The following BTF3L4 variants were observed in gnomAD, a reference collection of about 807,000 sequenced individuals.
BTF3L4 encodes basic transcription factor 3 like 4.
BTF3L4 carries 6 observed loss-of-function variants against 16.8 expected under a neutral mutation model. That is an observed-to-expected ratio of 0.36 (90% CI 0.20 to 0.71). The LOEUF (loss-of-function observed/expected upper bound fraction) is 0.71. Among genes scored for constraint, BTF3L4 ranks in the 30% least tolerant of loss-of-function variants. The probability of loss-of-function intolerance (pLI) is 0.58; values close to 1 mark genes in which losing one functional copy is unlikely to be tolerated. For synonymous variants in BTF3L4, 39 were observed against 59.8 expected (o/e 0.65, Z 1.60); for missense variants, 92 against 186.9 (o/e 0.49, Z 2.96).
intron 2 of BTF3L4, chr1:52,060,354 A>C: frequency 1.5e-6 from 1 of 650,076 alleles, no homozygotes; most frequent in South Asian, 1.9e-5. Context: ...CTTTGTCTTG[A>C]CTGGATGTTA....
At chr1:52,057,597 T>G (rs758795739) in intron 1 of BTF3L4, among the ~76,000 whole-genome samples, 2 of 152,222 alleles carry the variant, frequency 1.3e-5, no homozygotes, top group Non-Finnish European at 2.9e-5. Flanking sequence ...AGAGGTTGAT[T>G]GAGAATAGAG....
intron 3 of BTF3L4, among the ~76,000 whole-genome samples, chr1:52,076,402 C>T (rs560461990): frequency 1.6e-4 from 24 of 152,064 alleles, no homozygotes; most frequent in Admixed American, 1.5e-3. Context: ...GGTGAAACCC[C>T]ATCTCTACTA....
chr1:52,065,051 T>A, intron 3 of BTF3L4, 113 bp downstream of exon 3: 1 of 531,870 alleles, frequency 1.9e-6, no homozygotes, highest in Non-Finnish European at 3.3e-6. Flanking sequence ...GTCACTCTGA[T>A]GTCTTTGAAG....
chr1:52,086,319 CA>C, intron 5 of BTF3L4, 148 bp downstream of exon 5: 1 of 549,912 alleles, frequency 1.8e-6, no homozygotes, highest in South Asian at 3.5e-5. Flanking sequence ...TAATGAAAAA[CA>C]ACGTAAGCAC....
rs747353221 is a variant in BTF3L4, at chr1:52,083,428, C to T, written c.257C>T (p.Thr86Ile). 27 of 1,606,830 alleles carry T rather than the reference C, an allele frequency of 1.7e-5. No homozygotes were observed. The highest frequency in any genetic ancestry group is 2.1e-5 in the Non-Finnish European group (25 of 1,173,786). The change falls in exon 4 of 6, where the codon ACT becomes ATT. Residue 86 changes from threonine to isoleucine, a missense_variant. Physicochemically the swap from Thr to Ile is moderately conservative, Grantham distance 89. Transcript: ENST00000313334. ...CTTTCTGCTAATACCTTTGCAATTA[C>T]TGGTCATGCAGAAGCCAAACCAATC... ...ASLSANTFAITGHAEAKPITE... is the reference protein window; with the variant it reads ...ASLSANTFAIIGHAEAKPITE...
chr1:52,082,711 C>T (rs2985741), intron 3 of BTF3L4, among the ~76,000 whole-genome samples: 11,778 of 149,632 alleles, frequency 0.079, 1,317 homozygotes, highest in African/African-American at 0.24. Context: ...TGCACTCTAG[C>T]CTGGATGACA....
intron 1 of BTF3L4, among the ~76,000 whole-genome samples, chr1:52,059,598 C>T (rs1686458118): frequency 6.6e-6 from 1 of 152,118 alleles, no homozygotes; most frequent in Non-Finnish European, 1.5e-5. Context: ...GAATCCCATT[C>T]TACTTTCTGT....
At chr1:52,075,347 C>A (rs1482369701) in intron 3 of BTF3L4, among the ~76,000 whole-genome samples, 1 of 150,084 alleles carries the variant, frequency 6.7e-6, no homozygotes, top group African/African-American at 2.4e-5. Flanking sequence ...ATGGTGAAAC[C>A]CCATCTCTAC....
intron 3 of BTF3L4, among the ~76,000 whole-genome samples, chr1:52,079,743 A>G (rs957859951): frequency 1.6e-4 from 25 of 152,270 alleles, no homozygotes; most frequent in Non-Finnish European, 8.8e-5. Flanking sequence ...TTTGTAGCCA[A>G]TAAGATACAT....
At chr1:52,083,689 AGTTT>A (rs1345338197) in intron 4 of BTF3L4, 148 bp downstream of exon 4, 5 of 685,802 alleles carry the variant, frequency 7.3e-6, no homozygotes, top group African/African-American at 1.8e-5. Context: ...TAAAATTTTG[AGTTT>A]GTTTAATGAT....
At chr1:52,081,560 G>A (rs959426381) in intron 3 of BTF3L4, among the ~76,000 whole-genome samples, 15 of 152,126 alleles carry the variant, frequency 9.9e-5, no homozygotes, top group African/African-American at 3.4e-4. Context: ...CACATCCACT[G>A]TCATCCTTCT....
At chr1:52,056,590 C>T (rs1686362629) in intron 1 of BTF3L4, among the ~76,000 whole-genome samples, 1 of 152,254 alleles carries the variant, frequency 6.6e-6, no homozygotes, top group African/African-American at 2.4e-5. Context: ...GCACCACCGC[C>T]CCCTGTGGGA....
At chr1:52,083,316 C>T (rs1332274381) in intron 3 of BTF3L4, 24 bp from the exon 4 acceptor site, 13 of 1,590,548 alleles carry the variant, frequency 8.2e-6, no homozygotes, top group Non-Finnish European at 1.1e-5. Flanking sequence ...ATGTGAAGTA[C>T]ATTTTTCTTC....
Position 52,089,626 on chromosome 1 carries a change from G to A in BTF3L4, c.*2868G>A, listed in dbSNP as rs1644001932. 1 of 152,022 alleles carries A rather than the reference G, an allele frequency of 6.6e-6. No individual in the cohort carries two copies. Among genetic ancestry groups the A allele is most frequent in the Non-Finnish European group, 1.5e-5 (1 of 68,002 alleles). 9.4% of individuals were successfully genotyped at this position (152,022 alleles called of 1,614,324 possible). A position where few individuals can be genotyped will look rare whatever the true frequency, so the allele number is the denominator to read the frequency against. On this transcript the variant is annotated 3_prime_UTR_variant, in exon 6 of 6. Coordinates refer to ENST00000313334, the MANE Select transcript of BTF3L4 (RefSeq NM_152265.5). ...GGGGGGAAATTGACCTTAAAATTTTGGGATAATTCAAGAAATGTCTGCAGA... is the reference window on the plus strand; with the variant it reads ...GGGGGGAAATTGACCTTAAAATTTTAGGATAATTCAAGAAATGTCTGCAGA...
intron 5 of BTF3L4, 39 bp from the exon 6 acceptor site, chr1:52,086,673 T>C: frequency 7.4e-7 from 1 of 1,358,748 alleles, no homozygotes; most frequent in Non-Finnish European, 1.0e-6. Flanking sequence ...TTTCCTTTTT[T>C]GTATTCTTTG....
chr1:52,066,517 G>GGCA (rs1558005690), intron 3 of BTF3L4, among the ~76,000 whole-genome samples: 1 of 149,552 alleles, frequency 6.7e-6, no homozygotes, highest in East Asian at 2.1e-4. Flanking sequence ...CATCTGTGAT[G>GGCA]GTAACCAAAG....
At chr1:52,084,015 C>T (rs372107769) in intron 4 of BTF3L4, among the ~76,000 whole-genome samples, 132 of 144,284 alleles carry the variant, frequency 9.1e-4, no homozygotes, top group Non-Finnish European at 1.5e-3. Flanking sequence ...AGGGAAACTC[C>T]GTCTCAAAAA....
intron 4 of BTF3L4, among the ~76,000 whole-genome samples, chr1:52,084,140 C>CATTTT (rs1188328660): frequency 6.6e-6 from 1 of 151,722 alleles, no homozygotes; most frequent in African/African-American, 2.4e-5. Flanking sequence ...TATTTTATTT[C>CATTTT]ATTTTATTTA....
At chr1:52,082,858 G>A (rs1047102773) in intron 3 of BTF3L4, among the ~76,000 whole-genome samples, 1 of 152,098 alleles carries the variant, frequency 6.6e-6, no homozygotes, top group Non-Finnish European at 1.5e-5. Flanking sequence ...ACCTGGTTAC[G>A]TTTCTGAGTG....
Sources: gnomAD v4.1 joint callset for allele counts (sites outside exome capture counted in the v4.1 genomes callset) on GRCh38, gnomAD v4.1.1 for gene constraint, MANE v1.5 for transcripts, NCBI Gene and HGNC (gene_info 2026-07-23, HGNC 2026-07-21) for gene names.